Variants in GNAO1 observed in about 807,000 individuals in gnomAD.
GNAO1 encodes G protein subunit alpha o1.
For missense variants in GNAO1, 166 were observed against 478.7 expected, an observed-to-expected ratio of 0.35 and a Z score of 6.10; for synonymous variants, 164 against 180.7, an observed-to-expected ratio of 0.91 and a Z score of 0.74.
chr16:56,259,889 C>T (rs2036887422), intron 2 of GNAO1, among the ~76,000 whole-genome samples: 1 of 152,218 alleles, frequency 6.6e-6, no homozygotes, highest in African/African-American at 2.4e-5. Flanking sequence ...TCTCACCAGC[C>T]TGGTCTGCTT....
intron 2 of GNAO1, among the ~76,000 whole-genome samples, chr16:56,243,901 G>A (rs2036717747): frequency 6.6e-6 from 1 of 152,216 alleles, no homozygotes; most frequent in Non-Finnish European, 1.5e-5. Context: ...CACCCAGTGA[G>A]GTAGGCCCTG....
intron 6 of GNAO1, chr16:56,344,347 G>T: frequency 9.5e-7 from 1 of 1,054,826 alleles, no homozygotes; most frequent in South Asian, 3.8e-5. Context: ...CTGCAGCAGG[G>T]TGCTGGCAGG....
chr16:56,245,905 A>G (rs750902083), intron 2 of GNAO1, among the ~76,000 whole-genome samples: 5 of 152,098 alleles, frequency 3.3e-5, no homozygotes, highest in Non-Finnish European at 7.4e-5. Flanking sequence ...GACTAATGGG[A>G]GGTTTATAAT....
chr16:56,297,636 T>C (rs371377579), intron 3 of GNAO1, among the ~76,000 whole-genome samples: 1 of 151,964 alleles, frequency 6.6e-6, no homozygotes, highest in Non-Finnish European at 1.5e-5. Context: ...TTCTTTTCTT[T>C]TTTAAATGAA....
At chr16:56,229,656 AATAG>A (rs1197034716) in intron 2 of GNAO1, among the ~76,000 whole-genome samples, 4 of 151,766 alleles carry the variant, frequency 2.6e-5, no homozygotes, top group African/African-American at 7.3e-5. Context: ...TGGATGAATA[AATAG>A]ATAGAATTTA....
At chr16:56,277,349 G>A (rs1321604603) in intron 3 of GNAO1, among the ~76,000 whole-genome samples, 1 of 152,196 alleles carries the variant, frequency 6.6e-6, no homozygotes, top group Non-Finnish European at 1.5e-5. Flanking sequence ...TGTGGAAAGA[G>A]GGAATGGGGG....
chr16:56,318,841 T>C (rs2143625122), intron 3 of GNAO1, among the ~76,000 whole-genome samples: 1 of 152,326 alleles, frequency 6.6e-6, no homozygotes, highest in African/African-American at 2.4e-5. Context: ...ATTGGCAGGC[T>C]TCTTTCATGT....
Position 56,225,881 on chromosome 16 carries a change from A to C in GNAO1, c.161+33265A>C, listed in dbSNP as rs192746442. The stretch of plus-strand genomic sequence containing the variant: ...ATAGTTGAGGAGCTCCTTTAGCTAA[A>C]GTAGGCAGGGAGAGCTTCCTGAAGG... On this transcript the variant is annotated intron_variant, in intron 2 of 8. Coordinates refer to ENST00000262493, the MANE Select transcript of GNAO1 (RefSeq NM_020988.3). Among the ~76,000 whole-genome samples, 5 of 152,194 alleles carry C rather than the reference A, an allele frequency of 3.3e-5. No homozygotes were observed. The East Asian group carries it at 9.7e-4, about 29-fold the overall frequency.
rs186812541 is a variant in GNAO1, at chr16:56,311,135, G to A, written c.304-17496G>A. On this transcript the variant is annotated intron_variant, in intron 3 of 8. Coordinates refer to ENST00000262493, the MANE Select transcript of GNAO1 (RefSeq NM_020988.3). This position sits in a 1 kb window ranked among gnomAD's most constrained non-coding sequence, Gnocchi z 5.2. ...GGAACTCCTTTTTTCTAATTGTACC[G>A]GCTGGCTTCTATCTACCCTGGCCAG... Among the ~76,000 whole-genome samples, 72 of 151,182 alleles carry A rather than the reference G, an allele frequency of 4.8e-4. No individual in the cohort carries two copies. The highest frequency in any genetic ancestry group is 1.6e-3 in the Admixed American group (24 of 15,160).
intron 2 of GNAO1, among the ~76,000 whole-genome samples, chr16:56,259,647 C>T (rs952030128): frequency 2.0e-5 from 3 of 152,228 alleles, no homozygotes; most frequent in Non-Finnish European, 4.4e-5. Flanking sequence ...ATGCGTCTGG[C>T]ACTGGCCAGG....
intron 3 of GNAO1, among the ~76,000 whole-genome samples, chr16:56,291,623 A>G (rs2037233245): frequency 6.6e-6 from 1 of 152,122 alleles, no homozygotes; most frequent in Admixed American, 6.5e-5. Context: ...CCCTTGCCAG[A>G]GTTCCTCACT....
intron 3 of GNAO1, among the ~76,000 whole-genome samples, chr16:56,299,129 G>A (rs2037316749): frequency 6.6e-6 from 1 of 152,204 alleles, no homozygotes; most frequent in Non-Finnish European, 1.5e-5. Flanking sequence ...CAGTCACACA[G>A]CTGACAGATG....
chr16:56,349,769 CCAA>C (rs2037904447), intron 6 of GNAO1, among the ~76,000 whole-genome samples: 1 of 152,178 alleles, frequency 6.6e-6, no homozygotes, highest in Admixed American at 6.5e-5. Flanking sequence ...CCTCCGCCGA[CCAA>C]CTTCAGCTAA....
chr16:56,228,136 T>G (rs150155236), intron 2 of GNAO1, among the ~76,000 whole-genome samples: 6 of 152,276 alleles, frequency 3.9e-5, no homozygotes, highest in Non-Finnish European at 5.9e-5. Context: ...GGTGGCACTT[T>G]GCAGAGCCGA....
At chr16:56,344,828 A>C in intron 6 of GNAO1, 3 of 985,464 alleles carry the variant, frequency 3.0e-6, no homozygotes, top group Non-Finnish European at 3.6e-6. Flanking sequence ...GTCCACACTG[A>C]ATTCAACTCA....
In GNAO1 at chr16:56,334,925, A is replaced by G. The variant is rs2037726221; in HGVS notation, c.593+68A>G. On this transcript the variant is annotated intron_variant, in intron 5 of 8. Transcript: ENST00000262493. ...TGGGACATGCCCAGCCTCTCAGCGCATTGCGTTTACAGCGCCCAAACATCA... is the reference window on the plus strand; with the variant it reads ...TGGGACATGCCCAGCCTCTCAGCGCGTTGCGTTTACAGCGCCCAAACATCA... The G allele has an allele frequency of 6.4e-6, 10 of 1,557,872 alleles. No homozygotes were observed. In the East Asian group the frequency reaches 1.6e-4, roughly 24 times the overall value.
intron 2 of GNAO1, 134 bp downstream of exon 2, chr16:56,192,750 A>ACACACACC: frequency 1.7e-6 from 1 of 574,346 alleles, no homozygotes; most frequent in Non-Finnish European, 3.2e-6. Context: ...ACACACACAC[A>ACACACACC]CCCCTATATT....
At chr16:56,231,069 A>G (rs576338057) in intron 2 of GNAO1, among the ~76,000 whole-genome samples, 1 of 152,348 alleles carries the variant, frequency 6.6e-6, no homozygotes, top group East Asian at 1.9e-4. Context: ...ACCCAAAGAC[A>G]GGAAGAGATG....
chr16:56,221,666 A>C (rs898445741), intron 2 of GNAO1, among the ~76,000 whole-genome samples: 1 of 151,786 alleles, frequency 6.6e-6, no homozygotes, highest in Non-Finnish European at 1.5e-5. Context: ...AAAAAAAAAA[A>C]AAAAAAAACA....
Sources: gnomAD v4.1 joint callset for allele counts (sites outside exome capture counted in the v4.1 genomes callset) on GRCh38, gnomAD v4.1.1 for gene constraint, Gnocchi (gnomAD v3.1) non-coding constraint, MANE v1.5 for transcripts, NCBI Gene and HGNC (gene_info 2026-07-23, HGNC 2026-07-21) for gene names.